MAGI2: variants seen among roughly 807,000 people sequenced by gnomAD.
The protein encoded by MAGI2 is membrane associated guanylate kinase, WW and PDZ domain containing 2.
A neutral mutation model predicts 133.3 loss-of-function variants in MAGI2; 35 were observed. The observed-to-expected ratio is 0.26, with a 90% CI of 0.20 to 0.35. The LOEUF is 0.35. Among genes scored for constraint, MAGI2 ranks in the 10% least tolerant of loss-of-function variants. The pLI is 1.00. For synonymous variants in MAGI2, 729 were observed against 710.6 expected (o/e 1.03, Z -0.41); for missense variants, 1,636 against 1,863.4 (o/e 0.88, Z 2.25).
At chr7:79,201,682 G>A (rs1011767016) in intron 1 of MAGI2, among the ~76,000 whole-genome samples, 1 of 151,796 alleles carries the variant, frequency 6.6e-6, no homozygotes, top group Admixed American at 6.6e-5. Flanking sequence ...TTCCTAAATC[G>A]TTGTGCTCAG....
chr7:78,372,782 C>T (rs532119927), intron 6 of MAGI2, among the ~76,000 whole-genome samples: 68 of 152,252 alleles, frequency 4.5e-4, no homozygotes, highest in African/African-American at 1.4e-3. Context: ...CTGGCATAGT[C>T]AGCATGCTAT....
At position 78,507,569 on chromosome 7, in the gene MAGI2, G is replaced by T. The variant is rs73376216; in HGVS notation, c.755-5782C>A. ...CTAGACATTCAAGGCAACATGGAGG[G>T]TGGAGAAGACATGTCTCCCCCAACT... is the stretch of plus-strand genomic sequence containing the variant. On this transcript the variant is annotated intron_variant, in intron 4 of 21. Transcript: ENST00000354212. 7.2e-3 allele frequency among the ~76,000 whole-genome samples: 1,103 copies of T among 152,236 alleles called. 14 individuals carry two copies. Among genetic ancestry groups the T allele is most frequent in the African/African-American group, 0.024 (1,012 of 41,530 alleles).
chr7:78,455,623 T>C (rs1789228569), intron 6 of MAGI2, among the ~76,000 whole-genome samples: 1 of 152,164 alleles, frequency 6.6e-6, no homozygotes, highest in Non-Finnish European at 1.5e-5. Flanking sequence ...GCAGAGCACA[T>C]TACCTGGCCC....
chr7:78,901,053 T>G (rs528423449), intron 2 of MAGI2, among the ~76,000 whole-genome samples: 1 of 152,276 alleles, frequency 6.6e-6, no homozygotes, highest in African/African-American at 2.4e-5. Flanking sequence ...GGAGCATGGA[T>G]AGATCAGTTA....
At chr7:78,531,011 G>A (rs1314853222) in intron 3 of MAGI2, among the ~76,000 whole-genome samples, 1 of 152,156 alleles carries the variant, frequency 6.6e-6, no homozygotes, top group Non-Finnish European at 1.5e-5. Flanking sequence ...GTGTTATCCT[G>A]AGTAGTAAGG....
At chr7:79,297,879 G>A (rs772030917) in intron 1 of MAGI2, among the ~76,000 whole-genome samples, 2 of 152,148 alleles carry the variant, frequency 1.3e-5, no homozygotes, top group Non-Finnish European at 2.9e-5. Context: ...CGTCAGGTGG[G>A]AATGAGCAAG....
chr7:79,341,038 A>G (rs1840864588), intron 1 of MAGI2, among the ~76,000 whole-genome samples: 1 of 152,136 alleles, frequency 6.6e-6, no homozygotes, highest in Non-Finnish European at 1.5e-5. Context: ...GAACTTGACC[A>G]TTTGTCTGCA....
At chr7:79,438,284 G>A (rs541195808) in intron 1 of MAGI2, among the ~76,000 whole-genome samples, 1 of 152,132 alleles carries the variant, frequency 6.6e-6, no homozygotes, top group Admixed American at 6.6e-5. Flanking sequence ...ATACCAACTG[G>A]AGCAAAATGA....
intron 1 of MAGI2, among the ~76,000 whole-genome samples, chr7:79,169,307 A>G (rs537704849): frequency 6.6e-6 from 1 of 152,098 alleles, no homozygotes; most frequent in Non-Finnish European, 1.5e-5. Flanking sequence ...ATTAGAAAAA[A>G]ATCATTTCTC....
At chr7:79,101,515 G>A (rs1817967415) in intron 1 of MAGI2, among the ~76,000 whole-genome samples, 1 of 152,058 alleles carries the variant, frequency 6.6e-6, no homozygotes, top group African/African-American at 2.4e-5. Flanking sequence ...ACGAGGTCAG[G>A]AGATCGAGAC....
intron 3 of MAGI2, among the ~76,000 whole-genome samples, chr7:78,611,930 G>A (rs1806492571): frequency 6.6e-6 from 1 of 152,150 alleles, no homozygotes; most frequent in Non-Finnish European, 1.5e-5. Context: ...ACCCCCAGAA[G>A]CTTCTGTCTA....
At chr7:78,062,707 C>T (rs1362050845) in intron 21 of MAGI2, among the ~76,000 whole-genome samples, 2 of 152,194 alleles carry the variant, frequency 1.3e-5, no homozygotes, top group East Asian at 3.9e-4. Context: ...CAAGTCCTTT[C>T]CAGGACTCCC....
At chr7:79,215,807 C>CTG (rs1829983214) in intron 1 of MAGI2, among the ~76,000 whole-genome samples, 1 of 152,016 alleles carries the variant, frequency 6.6e-6, no homozygotes, top group Non-Finnish European at 1.5e-5. Context: ...CCTCCTGTGG[C>CTG]TGTGTCACAG....
At chr7:79,281,614 A>G (rs1835647315) in intron 1 of MAGI2, among the ~76,000 whole-genome samples, 1 of 152,196 alleles carries the variant, frequency 6.6e-6, no homozygotes, top group Non-Finnish European at 1.5e-5. Context: ...TCATCACTGC[A>G]TATTAAGAGG....
chr7:78,277,956 T>C (rs1795210541), intron 9 of MAGI2, among the ~76,000 whole-genome samples: 1 of 151,876 alleles, frequency 6.6e-6, no homozygotes, highest in East Asian at 1.9e-4. Flanking sequence ...AGAAAACACA[T>C]TGGGTTAGGA....
At chr7:78,592,867 C>G (rs1321557808) in intron 3 of MAGI2, among the ~76,000 whole-genome samples, 1 of 135,604 alleles carries the variant, frequency 7.4e-6, no homozygotes, top group African/African-American at 3.0e-5. Context: ...CAGGGTCTCG[C>G]TCTGTTGCCC....
chr7:79,401,577 T>C (rs1845472626), intron 1 of MAGI2, among the ~76,000 whole-genome samples: 1 of 152,134 alleles, frequency 6.6e-6, no homozygotes, highest in African/African-American at 2.4e-5. Flanking sequence ...CAGGGTAGCT[T>C]TAGGGATAAA....
At chr7:79,405,848 C>A (rs1175320894) in intron 1 of MAGI2, among the ~76,000 whole-genome samples, 1 of 148,378 alleles carries the variant, frequency 6.7e-6, no homozygotes, top group Non-Finnish European at 1.5e-5. Context: ...ATCCTTTGTT[C>A]TGATAAGAGA....
chr7:79,045,140 T>C (rs1812054008), intron 1 of MAGI2, among the ~76,000 whole-genome samples: 1 of 152,182 alleles, frequency 6.6e-6, no homozygotes, highest in African/African-American at 2.4e-5. Flanking sequence ...TCAAGAAGTA[T>C]CAACTGTATG....
Sources: allele counts gnomAD v4.1 joint callset (sites outside exome capture counted in the v4.1 genomes callset), GRCh38; gene constraint gnomAD v4.1.1; transcripts MANE v1.5; gene names NCBI Gene and HGNC (gene_info 2026-07-23, HGNC 2026-07-21).